RARB: variants seen among roughly 807,000 people sequenced by gnomAD.
The protein encoded by RARB is retinoic acid receptor beta, also known as HBV-activated protein.
RARB carries 17 observed loss-of-function variants against 51.9 expected under a neutral mutation model. That is an observed-to-expected ratio of 0.33 (90% CI 0.22 to 0.49). The LOEUF (loss-of-function observed/expected upper bound fraction) is 0.49, where lower values mean the gene tolerates loss of function less well. RARB is among the 20% of genes least tolerant of loss of function. The probability of loss-of-function intolerance (pLI) is 0.99; values close to 1 mark genes in which losing one functional copy is unlikely to be tolerated. For synonymous variants in RARB, 215 were observed against 195.4 expected, an observed-to-expected ratio of 1.10 and a Z score of -0.84; for missense variants, 369 against 550.8, an observed-to-expected ratio of 0.67 and a Z score of 3.30.
intron 5 of RARB, among the ~76,000 whole-genome samples, chr3:25,291,818 G>A (rs934662919): frequency 6.6e-6 from 1 of 151,740 alleles, no homozygotes; most frequent in African/African-American, 2.4e-5. Flanking sequence ...TTAAAGATCT[G>A]GCAAAGAAAA....
At chr3:25,044,723 T>C (rs917181744) in intron 2 of RARB, among the ~76,000 whole-genome samples, 6 of 152,042 alleles carry the variant, frequency 3.9e-5, no homozygotes, top group Admixed American at 3.9e-4. Flanking sequence ...GAATAGTTAA[T>C]TTAAGTAAGT....
intron 1 of RARB, among the ~76,000 whole-genome samples, chr3:25,452,474 A>G (rs760356355): frequency 1.7e-4 from 26 of 152,166 alleles, no homozygotes; most frequent in Non-Finnish European, 7.3e-5. Context: ...GGCCCAAACT[A>G]TCTTGTCAAA....
chr3:25,495,394 G>A (rs1696972647), intron 2 of RARB, among the ~76,000 whole-genome samples: 1 of 152,164 alleles, frequency 6.6e-6, no homozygotes, highest in Non-Finnish European at 1.5e-5. Context: ...GGTAGAGAAG[G>A]ATATTTAGGT....
rs571170402 is a variant in RARB, at chr3:25,005,845, A to G, written c.-379-54280A>G. ...TCATTTTTCTGCTGAAAACTTTTCA[A>G]TGGTTTTCTATTTCACTTAGCATAA... On this transcript the variant is annotated intron_variant, in intron 2 of 11. Transcript: ENST00000383772. Among the ~76,000 whole-genome samples the G allele has an allele frequency of 3.9e-5, 6 of 152,200 alleles. No individual in the cohort carries two copies. The East Asian group carries it at 5.8e-4, about 15-fold the overall frequency.
At chr3:25,476,655 A>T (rs1293435983) in intron 2 of RARB, among the ~76,000 whole-genome samples, 2 of 152,068 alleles carry the variant, frequency 1.3e-5, no homozygotes, top group African/African-American at 2.4e-5. Context: ...GGCACCTGCT[A>T]TCCTTGTCTT....
chr3:24,968,497 G>T (rs1425781703), intron 2 of RARB, among the ~76,000 whole-genome samples: 1 of 152,140 alleles, frequency 6.6e-6, no homozygotes, highest in South Asian at 2.1e-4. Flanking sequence ...CTGCTGGACA[G>T]TTCTGGGCTG....
At chr3:25,214,686 G>T (rs1701778139) in intron 5 of RARB, among the ~76,000 whole-genome samples, 1 of 152,160 alleles carries the variant, frequency 6.6e-6, no homozygotes, top group Non-Finnish European at 1.5e-5. Flanking sequence ...GTTCCCAAGG[G>T]AATTATAAGA....
intron 5 of RARB, among the ~76,000 whole-genome samples, chr3:25,365,003 A>G (rs1002193151): frequency 2.0e-5 from 3 of 152,024 alleles, no homozygotes; most frequent in Admixed American, 6.6e-5. Flanking sequence ...TGATTCATTG[A>G]CATCTAAGTT....
At chr3:25,177,010 C>T (rs1007147287) in intron 5 of RARB, among the ~76,000 whole-genome samples, 11 of 152,142 alleles carry the variant, frequency 7.2e-5, no homozygotes, top group Non-Finnish European at 1.5e-4. Flanking sequence ...TAAGTAACTG[C>T]ACCTTAAAAG....
At chr3:25,510,286 C>G (rs934055330) in intron 3 of RARB, among the ~76,000 whole-genome samples, 2 of 152,184 alleles carry the variant, frequency 1.3e-5, no homozygotes, top group Non-Finnish European at 2.9e-5. Flanking sequence ...TAAAGCTACA[C>G]GGTTTTCAGT....
chr3:25,336,161 A>G (rs2125448012), intron 5 of RARB, among the ~76,000 whole-genome samples: 1 of 152,308 alleles, frequency 6.6e-6, no homozygotes, highest in South Asian at 2.1e-4. Flanking sequence ...CTATGTAAGA[A>G]GAGAAAAATA....
At chr3:25,402,718 C>T (rs1395979120) in intron 5 of RARB, among the ~76,000 whole-genome samples, 4 of 152,030 alleles carry the variant, frequency 2.6e-5, no homozygotes, top group Non-Finnish European at 4.4e-5. Context: ...AGACAAATGT[C>T]GCATGTTCTC....
intron 2 of RARB, among the ~76,000 whole-genome samples, chr3:24,931,522 T>G (rs554574748): frequency 1.1e-4 from 17 of 152,116 alleles, no homozygotes; most frequent in Admixed American, 3.3e-4. Flanking sequence ...TTCTGTAGAT[T>G]CATCAAGACC....
intron 2 of RARB, among the ~76,000 whole-genome samples, chr3:24,917,825 C>T (rs1033694283): frequency 6.6e-6 from 1 of 152,192 alleles, no homozygotes; most frequent in East Asian, 1.9e-4. Context: ...CAGTGCCCAG[C>T]CCATGTCGTT....
At chr3:25,239,653 G>A (rs1471992252) in intron 5 of RARB, among the ~76,000 whole-genome samples, 1 of 152,030 alleles carries the variant, frequency 6.6e-6, no homozygotes, top group South Asian at 2.1e-4. Flanking sequence ...CTGTTCCGTT[G>A]GTCTGCGCAT....
chr3:25,376,660 T>G (rs1706469681), intron 5 of RARB, among the ~76,000 whole-genome samples: 1 of 152,256 alleles, frequency 6.6e-6, no homozygotes, highest in Non-Finnish European at 1.5e-5. Flanking sequence ...GTTTCTTTTC[T>G]GTTGGCATTA....
chr3:25,571,244 T>A (rs1700699283), intron 4 of RARB, among the ~76,000 whole-genome samples: 1 of 152,218 alleles, frequency 6.6e-6, no homozygotes, highest in African/African-American at 2.4e-5. Flanking sequence ...CCTTGAGCAG[T>A]ACTTTTCAAA....
intron 2 of RARB, among the ~76,000 whole-genome samples, chr3:24,987,959 T>A (rs1200344492): frequency 1.6e-4 from 10 of 64,130 alleles, no homozygotes; most frequent in Non-Finnish European, 6.1e-5. Context: ...TTAAGACCTT[T>A]CATTCCATTT....
intron 4 of RARB, among the ~76,000 whole-genome samples, chr3:25,578,916 T>G (rs973436714): frequency 6.6e-6 from 1 of 152,258 alleles, no homozygotes; most frequent in Non-Finnish European, 1.5e-5. Context: ...TGTTTACATT[T>G]GTCAGAGAAC....
Sources: gnomAD v4.1 joint callset for allele counts (sites outside exome capture counted in the v4.1 genomes callset) on GRCh38, gnomAD v4.1.1 for gene constraint, MANE v1.5 for transcripts, NCBI Gene and HGNC (gene_info 2026-07-23, HGNC 2026-07-21) for gene names.